PARP4: variants seen among roughly 807,000 people sequenced by gnomAD.
PARP4 encodes poly(ADP-ribose) polymerase family member 4, also known as protein mono-ADP-ribosyltransferase PARP4.
In PARP4, 120 loss-of-function variants were observed where a neutral mutation model predicts 187.7. The observed-to-expected ratio is 0.64, with a 90% CI of 0.55 to 0.74. The LOEUF is 0.74. Among genes scored for constraint, PARP4 ranks in the 30% least tolerant of loss-of-function variants. PARP4 has a pLI of 0.00. For missense variants in PARP4, 1,836 were observed against 2,070.5 expected (o/e 0.89, Z 2.20); for synonymous variants, 654 against 740.9 (o/e 0.88, Z 1.90).
chr13:24,471,396 G>C (rs1872724476), intron 15 of PARP4, among the ~76,000 whole-genome samples: 1 of 152,190 alleles, frequency 6.6e-6, no homozygotes. Context: ...ACACTGTGTG[G>C]CTGGGCACTC....
intron 15 of PARP4, among the ~76,000 whole-genome samples, chr13:24,471,825 C>T (rs1872739366): frequency 6.6e-6 from 1 of 152,150 alleles, no homozygotes; most frequent in Non-Finnish European, 1.5e-5. Flanking sequence ...ATTTGTTTTG[C>T]ACACAAAAAC....
intron 11 of PARP4, among the ~76,000 whole-genome samples, chr13:24,485,574 A>G (rs1194721763): frequency 6.6e-6 from 1 of 152,184 alleles, no homozygotes; most frequent in Non-Finnish European, 1.5e-5. Context: ...ATGGATCTAC[A>G]TTTAACAATA....
chr13:24,490,421 T>C (rs1243796874), intron 10 of PARP4, among the ~76,000 whole-genome samples: 137 of 152,324 alleles, frequency 9.0e-4, no homozygotes, highest in Non-Finnish European at 1.6e-4. Flanking sequence ...TTTTAAAATT[T>C]TTAAATTTAA....
chr13:24,501,933 A>G (rs1297937760), intron 2 of PARP4, 99 bp from the exon 3 acceptor site: 4 of 729,942 alleles, frequency 5.5e-6, no homozygotes, highest in South Asian at 1.9e-5. Flanking sequence ...GTATTAAGGT[A>G]GTTTGTGATA....
intron 3 of PARP4, among the ~76,000 whole-genome samples, chr13:24,500,658 T>C (rs1051226700): frequency 3.9e-5 from 6 of 152,240 alleles, no homozygotes; most frequent in African/African-American, 1.2e-4. Context: ...ATTGGCACTT[T>C]CTTCTTGAAG....
chr13:24,458,110 T>A (rs1871983600), intron 20 of PARP4, among the ~76,000 whole-genome samples: 1 of 103,204 alleles, frequency 9.7e-6, no homozygotes, highest in Non-Finnish European at 2.1e-5. Flanking sequence ...GTCTCTACAA[T>A]TTTTTTTTTT....
chr13:24,476,975 G>A (rs543629600), intron 14 of PARP4, among the ~76,000 whole-genome samples: 2 of 152,294 alleles, frequency 1.3e-5, no homozygotes, highest in East Asian at 3.9e-4. Flanking sequence ...CAAGGTGGCA[G>A]GGCGACACTC....
intron 1 of PARP4, among the ~76,000 whole-genome samples, chr13:24,506,962 A>C (rs148623296): frequency 2.0e-5 from 3 of 152,186 alleles, no homozygotes; most frequent in Non-Finnish European, 4.4e-5. Flanking sequence ...GCGGGGAGGC[A>C]GCTAAGGCTC....
intron 14 of PARP4, among the ~76,000 whole-genome samples, chr13:24,476,411 C>T (rs1386038870): frequency 6.6e-6 from 1 of 152,112 alleles, no homozygotes; most frequent in African/African-American, 2.4e-5. Context: ...TGTCTGCATT[C>T]CCTGGCTTAT....
intron 12 of PARP4, among the ~76,000 whole-genome samples, 169 bp from the exon 13 acceptor site, chr13:24,478,445 C>CT (rs531220379): frequency 7.9e-5 from 12 of 151,132 alleles, no homozygotes; most frequent in Admixed American, 4.0e-4. Flanking sequence ...AATATTTCTT[C>CT]TTTTTTTTTA....
chr13:24,430,722 C>T (rs3783081), intron 32 of PARP4, among the ~76,000 whole-genome samples: 22,923 of 150,476 alleles, frequency 0.15, 1,403 homozygotes, highest in East Asian at 0.33. Context: ...CTTGCTGGGT[C>T]AAGGATGCTC....
chr13:24,508,831 T>C (rs1042665698), intron 1 of PARP4, among the ~76,000 whole-genome samples: 17 of 152,144 alleles, frequency 1.1e-4, no homozygotes, highest in African/African-American at 4.1e-4. Context: ...GTATTTTTTA[T>C]CAAAATTGAC....
intron 15 of PARP4, among the ~76,000 whole-genome samples, chr13:24,471,060 A>G (rs1807110): frequency 0.095 from 14,446 of 152,228 alleles, 773 homozygotes; most frequent in Non-Finnish European, 0.12. Flanking sequence ...GCTGCCTGCA[A>G]TGACTGCTTA....
chr13:24,435,297 C>T lies in PARP4; in HGVS notation c.3844G>A (p.Glu1282Lys), dbSNP rs1274083759. 6.2e-7 allele frequency: 1 copy of T among 1,612,864 alleles called. No homozygotes were observed. Among genetic ancestry groups the T allele is most frequent in the South Asian group, 1.1e-5 (1 of 91,026 alleles). Residue 1282 changes from glutamate to lysine, a missense_variant, in exon 31 of 34, where the codon GAA (glutamate) becomes AAA (lysine). Glu to Lys is a moderately conservative substitution (Grantham distance 56, BLOSUM62 1). This residue lies in a region of PARP4 where 450 missense variants were observed against 439.2 expected (regional missense o/e 1.02). Transcript: ENST00000381989. ...FTSNLERGGV[E>K]KLLDLSWTES... ...GTCCAACTTAAATCCAATAGCTTTTCCACACCTCCACGTTCCAAATTTGAT... is the reference window on the plus strand; with the variant it reads ...GTCCAACTTAAATCCAATAGCTTTTTCACACCTCCACGTTCCAAATTTGAT...
chr13:24,479,676 G>A (rs535256825), intron 12 of PARP4, among the ~76,000 whole-genome samples: 40 of 152,088 alleles, frequency 2.6e-4, no homozygotes, highest in Non-Finnish European at 4.1e-4. Flanking sequence ...ACCAATCAGC[G>A]CCCTGTCAAA....
chr13:24,425,999 T>C (rs934420760), intron 33 of PARP4, among the ~76,000 whole-genome samples: 3 of 152,222 alleles, frequency 2.0e-5, no homozygotes, highest in African/African-American at 4.8e-5. Flanking sequence ...GGGAGGAGAT[T>C]AGAACACATT....
intron 17 of PARP4, among the ~76,000 whole-genome samples, chr13:24,465,675 A>G (rs1159783949): frequency 6.6e-6 from 1 of 152,128 alleles, no homozygotes; most frequent in Non-Finnish European, 1.5e-5. Flanking sequence ...GTGGGGCTTA[A>G]TATCTGGGTG....
intron 1 of PARP4, among the ~76,000 whole-genome samples, chr13:24,510,359 C>T (rs1010564198): frequency 7.2e-5 from 11 of 151,934 alleles, no homozygotes; most frequent in Non-Finnish European, 1.3e-4. Flanking sequence ...TCGAGGCCAT[C>T]CCGGCTAAAA....
At position 24,423,795 on chromosome 13, in the gene PARP4, C is replaced by T. The variant is rs139859438; in HGVS notation, c.4980-2481G>A. 7.6e-3 allele frequency among the ~76,000 whole-genome samples: 1,158 copies of T among 152,058 alleles called. 9 individuals are homozygous for T. The highest frequency in any genetic ancestry group is 0.011 in the Non-Finnish European group (755 of 67,988). ...TGGGCTCAAGCAATCCCCCCGACCT[C>T]AGCTTCCTGAGTAGTCACACACTAC... On this transcript the variant is annotated intron_variant, in intron 33 of 33. Transcript: ENST00000381989.
Sources: gnomAD v4.1 joint callset for allele counts (sites outside exome capture counted in the v4.1 genomes callset) on GRCh38, gnomAD v4.1.1 for gene constraint, gnomAD v4.1.1 regional missense constraint, MANE v1.5 for transcripts, NCBI Gene and HGNC (gene_info 2026-07-23, HGNC 2026-07-21) for gene names.